The following STXBP6 variants were observed in gnomAD, a reference collection of about 807,000 sequenced individuals.
STXBP6 encodes the protein syntaxin binding protein 6.
A neutral mutation model predicts 26.9 loss-of-function variants in STXBP6; 21 were observed. The ratio of observed to expected loss-of-function variants is 0.78; its 90% CI spans 0.55 to 1.12. STXBP6 has a LOEUF of 1.12. STXBP6 is among the 50% of genes most tolerant of loss of function. The pLI is 0.00. For synonymous variants in STXBP6, 97 were observed against 92.6 expected (o/e 1.05, Z -0.27); for missense variants, 232 against 257.9 (o/e 0.90, Z 0.69).
At chr14:24,861,652 T>C (rs890823718) in intron 2 of STXBP6, among the ~76,000 whole-genome samples, 17 of 152,180 alleles carry the variant, frequency 1.1e-4, no homozygotes, top group African/African-American at 4.1e-4. Flanking sequence ...AAAGCAAAAA[T>C]ATCTAGGTTG....
At chr14:24,978,184 T>C (rs2074099767) in intron 1 of STXBP6, among the ~76,000 whole-genome samples, 1 of 152,258 alleles carries the variant, frequency 6.6e-6, no homozygotes, top group Non-Finnish European at 1.5e-5. Flanking sequence ...GAATTCAGCA[T>C]GGAGAGCTTT....
intron 2 of STXBP6, among the ~76,000 whole-genome samples, chr14:24,904,927 C>T (rs944345674): frequency 1.3e-5 from 2 of 152,148 alleles, no homozygotes; most frequent in Non-Finnish European, 2.9e-5. Flanking sequence ...ATTACCATCT[C>T]ATTCAAATAT....
chr14:25,029,939 A>G (rs926170208), intron 1 of STXBP6, among the ~76,000 whole-genome samples: 1 of 151,746 alleles, frequency 6.6e-6, no homozygotes, highest in African/African-American at 2.4e-5. Flanking sequence ...TAATAGCAAT[A>G]GCTACCATTT....
At chr14:24,842,992 T>C (rs1346009630) in intron 4 of STXBP6, among the ~76,000 whole-genome samples, 1 of 152,180 alleles carries the variant, frequency 6.6e-6, no homozygotes, top group Non-Finnish European at 1.5e-5. Flanking sequence ...ATTATTTTGT[T>C]AATGACCACT....
chr14:25,020,796 T>C (rs1246861830), intron 1 of STXBP6, among the ~76,000 whole-genome samples: 1 of 152,294 alleles, frequency 6.6e-6, no homozygotes, highest in African/African-American at 2.4e-5. Flanking sequence ...ACGCTTTCCA[T>C]AGCACTGCTG....
At chr14:25,023,324 G>A (rs1228647171) in intron 1 of STXBP6, among the ~76,000 whole-genome samples, 4 of 150,348 alleles carry the variant, frequency 2.7e-5, no homozygotes, top group East Asian at 1.9e-4. Flanking sequence ...AAAAAAGCCC[G>A]TCAGAAAGTC....
chr14:24,868,024 C>G (rs1367170786), intron 2 of STXBP6, among the ~76,000 whole-genome samples: 1 of 152,018 alleles, frequency 6.6e-6, no homozygotes, highest in African/African-American at 2.4e-5. Context: ...TGGTGAAACC[C>G]TGTCTCTACA....
intron 1 of STXBP6, among the ~76,000 whole-genome samples, chr14:24,988,409 C>T (rs2074386520): frequency 1.3e-5 from 2 of 152,156 alleles, no homozygotes; most frequent in Admixed American, 1.3e-4. Context: ...ACCAACTACA[C>T]AAAATTAAGA....
At chr14:24,948,045 C>T (rs2073049348) in intron 2 of STXBP6, among the ~76,000 whole-genome samples, 1 of 152,168 alleles carries the variant, frequency 6.6e-6, no homozygotes, top group Non-Finnish European at 1.5e-5. Context: ...TATGCAGTAT[C>T]CTTTGCCTTA....
At chr14:24,967,873 C>T (rs1186412089) in intron 2 of STXBP6, among the ~76,000 whole-genome samples, 1 of 152,124 alleles carries the variant, frequency 6.6e-6, no homozygotes, top group Non-Finnish European at 1.5e-5. Context: ...CCACACCCCT[C>T]CCAAGTGAAT....
chr14:24,924,918 T>C (rs1455436047), intron 2 of STXBP6, among the ~76,000 whole-genome samples: 2 of 152,196 alleles, frequency 1.3e-5, no homozygotes, highest in African/African-American at 4.8e-5. Context: ...TGTCTTCAAA[T>C]TTCTCTAGAA....
intron 2 of STXBP6, among the ~76,000 whole-genome samples, chr14:24,886,645 ATTAACT>A (rs36202394): frequency 0.024 from 3,653 of 152,240 alleles, 155 homozygotes; most frequent in African/African-American, 0.083. Context: ...GTCATTTCAC[ATTAACT>A]TTAACTATTT....
intron 1 of STXBP6, among the ~76,000 whole-genome samples, chr14:24,992,511 T>C (rs2074499363): frequency 6.6e-6 from 1 of 152,176 alleles, no homozygotes; most frequent in African/African-American, 2.4e-5. Flanking sequence ...AAGGACCACT[T>C]AGTAAACATT....
At chr14:24,817,172 A>G (rs2068002888) in intron 5 of STXBP6, 1 of 152,160 alleles carries the variant, frequency 6.6e-6, no homozygotes, top group Non-Finnish European at 1.5e-5. Flanking sequence ...ACTATTCCAT[A>G]TTGCTTTCCC....
At chr14:24,814,593 G>C (rs1050700966) in intron 5 of STXBP6, among the ~76,000 whole-genome samples, 2 of 152,198 alleles carry the variant, frequency 1.3e-5, no homozygotes, top group Non-Finnish European at 2.9e-5. Flanking sequence ...GGGAGCCCCC[G>C]GGCCACGACC....
intron 1 of STXBP6, among the ~76,000 whole-genome samples, chr14:24,987,040 C>T (rs1464937593): frequency 6.6e-6 from 1 of 152,144 alleles, no homozygotes; most frequent in Non-Finnish European, 1.5e-5. Flanking sequence ...AACTTCTGAC[C>T]TAACTAGCTG....
chr14:24,927,042 C>T (rs1034068401), intron 2 of STXBP6, among the ~76,000 whole-genome samples: 1 of 152,072 alleles, frequency 6.6e-6, no homozygotes, highest in African/African-American at 2.4e-5. Flanking sequence ...ACAAGTAAAA[C>T]TTTGTAAGTA....
chr14:24,945,166 T>TTTTTTTTTTC (rs1491578209), intron 2 of STXBP6, among the ~76,000 whole-genome samples: 2 of 143,780 alleles, frequency 1.4e-5, no homozygotes, highest in Admixed American at 7.0e-5. Context: ...TTTTTTTTTT[T>TTTTTTTTTTC]AGCAGATTCC....
At chr14:24,829,124 T>C (rs1217042162) in intron 4 of STXBP6, among the ~76,000 whole-genome samples, 1 of 152,004 alleles carries the variant, frequency 6.6e-6, no homozygotes, top group Non-Finnish European at 1.5e-5. Flanking sequence ...ACTCAGGAAA[T>C]ATGAAAATAA....
Sources: allele counts gnomAD v4.1 joint callset (sites outside exome capture counted in the v4.1 genomes callset), GRCh38; gene constraint gnomAD v4.1.1; transcripts MANE v1.5; gene names NCBI Gene and HGNC (gene_info 2026-07-23, HGNC 2026-07-21).